Variants in PCSK6 observed in about 807,000 individuals in gnomAD.
The protein encoded by PCSK6 is proprotein convertase subtilisin/kexin type 6.
A neutral mutation model predicts 123.3 loss-of-function variants in PCSK6; 85 were observed. The ratio of observed to expected loss-of-function variants is 0.69; its 90% CI spans 0.58 to 0.83. The LOEUF is 0.83. PCSK6 is among the 40% of genes least tolerant of loss of function. The pLI is 0.00. For synonymous variants in PCSK6, 508 were observed against 516.0 expected (o/e 0.98, Z 0.21); for missense variants, 1,191 against 1,282.3 (o/e 0.93, Z 1.09).
chr15:101,397,095 G>A (rs1009766163), intron 7 of PCSK6, among the ~76,000 whole-genome samples: 3 of 152,236 alleles, frequency 2.0e-5, no homozygotes, highest in South Asian at 2.1e-4. Context: ...TAGGCCTGAC[G>A]CCCGGGAAAG....
intron 13 of PCSK6, chr15:101,334,082 T>A (rs529436949): frequency 4.6e-5 from 7 of 152,384 alleles, no homozygotes; most frequent in Non-Finnish European, 8.8e-5. Flanking sequence ...TAGCACACGG[T>A]CTTCCACAGG....
intron 6 of PCSK6, among the ~76,000 whole-genome samples, chr15:101,411,957 G>A (rs72772611): frequency 6.6e-6 from 1 of 152,216 alleles, no homozygotes; most frequent in Admixed American, 6.5e-5. Context: ...CTGGAGTTGT[G>A]TCAGGATGCC....
intron 20 of PCSK6, among the ~76,000 whole-genome samples, chr15:101,311,235 T>C (rs1228321146): frequency 6.6e-6 from 1 of 151,872 alleles, no homozygotes; most frequent in Non-Finnish European, 1.5e-5. Context: ...CTCAGCCTCC[T>C]GTAAGACTGG....
chr15:101,403,584 A>G (rs1040298219), intron 6 of PCSK6, among the ~76,000 whole-genome samples: 2 of 152,124 alleles, frequency 1.3e-5, no homozygotes, highest in Admixed American at 1.3e-4. Flanking sequence ...ATACCCATGA[A>G]CCCTGCAGCC....
In PCSK6 at chr15:101,430,781, C is replaced by T. The variant is rs117429752; in HGVS notation, c.657+539G>A. Among the ~76,000 whole-genome samples, 176 of 152,310 alleles carry T rather than the reference C, an allele frequency of 1.2e-3. 5 individuals carry two copies. The East Asian group carries it at 0.03, about 26-fold the overall frequency. ...GTATTTCTTGCATCTATGATATTTACGATATGCCAAGCTTGTGTCCTTACA... is the reference window on the plus strand; with the variant it reads ...GTATTTCTTGCATCTATGATATTTATGATATGCCAAGCTTGTGTCCTTACA... On this transcript the variant is annotated intron_variant, in intron 4 of 21. Transcript: ENST00000611716.
intron 7 of PCSK6, among the ~76,000 whole-genome samples, chr15:101,395,589 G>A (rs2042387211): frequency 6.6e-6 from 1 of 152,218 alleles, no homozygotes; most frequent in Non-Finnish European, 1.5e-5. Context: ...AACTGTCTCT[G>A]ACGACTTTAT....
chr15:101,469,834 C>T (rs1057241383), intron 1 of PCSK6, among the ~76,000 whole-genome samples: 1 of 152,210 alleles, frequency 6.6e-6, no homozygotes, highest in Admixed American at 6.5e-5. Flanking sequence ...CTGAAATCTT[C>T]TCCGTGACAC....
intron 13 of PCSK6, chr15:101,347,243 G>A: frequency 4.1e-6 from 5 of 1,232,474 alleles, no homozygotes; most frequent in Non-Finnish European, 5.1e-6. Flanking sequence ...ATCGAACACA[G>A]ATTGCAAAAT....
At chr15:101,350,667 G>A (rs1209226371) in intron 13 of PCSK6, among the ~76,000 whole-genome samples, 1 of 152,214 alleles carries the variant, frequency 6.6e-6, no homozygotes, top group Non-Finnish European at 1.5e-5. Flanking sequence ...GCCTGGTTGC[G>A]ACGTATATTC....
At chr15:101,353,865 C>T (rs1567160086) in intron 13 of PCSK6, among the ~76,000 whole-genome samples, 1 of 152,200 alleles carries the variant, frequency 6.6e-6, no homozygotes, top group African/African-American at 2.4e-5. Flanking sequence ...TGAGCTCAGT[C>T]AGGCTCTGGG....
chr15:101,468,995 C>T (rs1338502297), intron 1 of PCSK6, among the ~76,000 whole-genome samples: 1 of 152,136 alleles, frequency 6.6e-6, no homozygotes, highest in African/African-American at 2.4e-5. Context: ...AAGGTGTCGT[C>T]GAAAGTGCTG....
At chr15:101,484,686 C>T (rs1476324249) in intron 1 of PCSK6, among the ~76,000 whole-genome samples, 1 of 152,206 alleles carries the variant, frequency 6.6e-6, no homozygotes, top group African/African-American at 2.4e-5. Flanking sequence ...CCACCACGCC[C>T]GGCCTGCTTT....
intron 1 of PCSK6, among the ~76,000 whole-genome samples, chr15:101,464,136 C>T (rs1236987257): frequency 1.3e-5 from 2 of 152,162 alleles, no homozygotes; most frequent in African/African-American, 4.8e-5. Flanking sequence ...GCCTCCTCTG[C>T]ACAAAGCCTT....
intron 11 of PCSK6, among the ~76,000 whole-genome samples, chr15:101,371,681 G>A (rs983366042): frequency 2.6e-5 from 4 of 152,110 alleles, no homozygotes; most frequent in Admixed American, 2.0e-4. Context: ...GCTGGGATTT[G>A]GGGCCCCAGA....
chr15:101,465,736 C>A (rs1473766551), intron 1 of PCSK6, among the ~76,000 whole-genome samples: 2 of 152,098 alleles, frequency 1.3e-5, no homozygotes, highest in Non-Finnish European at 2.9e-5. Flanking sequence ...ACACGTGATG[C>A]CGCACGGTAT....
chr15:101,407,212 G>A (rs2042806730), intron 6 of PCSK6, among the ~76,000 whole-genome samples: 1 of 152,198 alleles, frequency 6.6e-6, no homozygotes, highest in Non-Finnish European at 1.5e-5. Context: ...ATGACCTTGG[G>A]CCATAGTCTC....
Position 101,331,860 on chromosome 15 carries a change from T to A in PCSK6, c.2030A>T (p.Asp677Val), listed in dbSNP as rs1032144747. ...SQVEVPEDEEDYTAQSTPGSA... is the reference protein window; with the variant it reads ...SQVEVPEDEEVYTAQSTPGSA... ...TACTTCAGGCTCATTACCTGTGTAA[T>A]CTTCCTCATCTTCAGGAACTTCCAC... The change falls in exon 14 of 22, where the codon GAT (aspartate) becomes GTT (valine). Residue 677 changes from aspartate (D) to valine (V), a missense_variant. By Grantham distance (152) the Asp-to-Val change is radical. Transcript: ENST00000611716. 3 of 1,612,750 alleles carry A rather than the reference T, an allele frequency of 1.9e-6. No homozygotes were observed. The highest frequency in any genetic ancestry group is 3.3e-5 in the Admixed American group (2 of 59,960).
intron 6 of PCSK6, among the ~76,000 whole-genome samples, chr15:101,409,763 T>C (rs2042891342): frequency 6.6e-6 from 1 of 152,098 alleles, no homozygotes; most frequent in African/African-American, 2.4e-5. Flanking sequence ...CCCCTGCATA[T>C]TGCAAGCCTC....
At chr15:101,382,311 C>T (rs138109924) in intron 10 of PCSK6, 102 bp from the exon 11 acceptor site, 16 of 896,924 alleles carry the variant, frequency 1.8e-5, no homozygotes, top group Middle Eastern at 2.2e-4. Context: ...ACAGAGGGAC[C>T]GTAAGACTCG....
Sources: allele counts gnomAD v4.1 joint callset (sites outside exome capture counted in the v4.1 genomes callset), GRCh38; gene constraint gnomAD v4.1.1; transcripts MANE v1.5; gene names NCBI Gene and HGNC (gene_info 2026-07-23, HGNC 2026-07-21).